Variants in SAMMSON observed in about 807,000 individuals in gnomAD.
SAMMSON encodes the protein long intergenic non-protein coding RNA 1212.
intron 4 of SAMMSON, among the ~76,000 whole-genome samples, chr3:70,169,645 CT>C (rs11384588): frequency 4.2e-5 from 6 of 142,750 alleles, no homozygotes; most frequent in Non-Finnish European, 3.0e-5. Flanking sequence ...TTTCTTTTTT[CT>C]TTTTTTTTTT....
intron 3 of SAMMSON, among the ~76,000 whole-genome samples, chr3:70,044,522 C>G (rs2067116883): frequency 6.6e-6 from 1 of 151,922 alleles, no homozygotes; most frequent in Admixed American, 6.6e-5. Context: ...AGTTCAAATG[C>G]CTTCAACAGA....
chr3:70,241,482 AT>A (rs1307521308), intron 4 of SAMMSON, among the ~76,000 whole-genome samples: 2 of 152,194 alleles, frequency 1.3e-5, no homozygotes, highest in African/African-American at 4.8e-5. Context: ...CTAAAATGTA[AT>A]GGGAGGTATG....
intron 4 of SAMMSON, among the ~76,000 whole-genome samples, chr3:70,248,678 A>T (rs1701731344): frequency 6.6e-6 from 1 of 152,178 alleles, no homozygotes; most frequent in African/African-American, 2.4e-5. Context: ...CTTAAACAAG[A>T]TGTTAATTTG....
intron 3 of SAMMSON, among the ~76,000 whole-genome samples, chr3:70,065,946 C>T (rs899206521): frequency 6.6e-6 from 1 of 152,084 alleles, no homozygotes; most frequent in Non-Finnish European, 1.5e-5. Flanking sequence ...ACATATGGAA[C>T]GAAATCCCAA....
intron 2 of SAMMSON, among the ~76,000 whole-genome samples, chr3:70,434,524 T>G (rs1701443540): frequency 6.6e-6 from 1 of 152,194 alleles, no homozygotes; most frequent in Admixed American, 6.5e-5. Flanking sequence ...TTTTGTTGAT[T>G]GGGATTTTCT....
At position 70,045,215 on chromosome 3, in the gene SAMMSON, G is replaced by A. The variant is rs928231332; in HGVS notation, n.418-26261G>A. Among the ~76,000 whole-genome samples the A allele has an allele frequency of 5.2e-4, 72 of 139,030 alleles. 1 individual carries two copies. Among genetic ancestry groups the A allele is most frequent in the Non-Finnish European group, 1.5e-4 (10 of 65,684 alleles). The allele number at this position is 139,030 out of a possible 152,430, so 91.2% of individuals were successfully genotyped here. A position where few individuals can be genotyped will look rare whatever the true frequency, so the allele number is the denominator to read the frequency against. On this transcript the variant is annotated intron_variant and non_coding_transcript_variant, in intron 3 of 9. Transcript: ENST00000642114. ...TAATATTAATTATAATATAATTAAA[G>A]TATTTTATTTAATATTATTTATTTA...
intron 4 of SAMMSON, among the ~76,000 whole-genome samples, chr3:70,225,512 TC>T (rs1171886534): frequency 6.6e-6 from 1 of 152,202 alleles, no homozygotes; most frequent in Non-Finnish European, 1.5e-5. Flanking sequence ...TTTCTATTAT[TC>T]TAGTTTAAGA....
At chr3:70,066,520 T>G (rs187343677) in intron 3 of SAMMSON, among the ~76,000 whole-genome samples, 2 of 152,242 alleles carry the variant, frequency 1.3e-5, no homozygotes, top group East Asian at 3.9e-4. Flanking sequence ...AATGCTAATA[T>G]TCCATCCTGC....
At chr3:70,046,190 A>G (rs1308305623) in intron 3 of SAMMSON, among the ~76,000 whole-genome samples, 1 of 151,966 alleles carries the variant, frequency 6.6e-6, no homozygotes, top group Non-Finnish European at 1.5e-5. Flanking sequence ...TTTTTTCTTT[A>G]TCATCCCAGT....
intron 9 of SAMMSON, among the ~76,000 whole-genome samples, chr3:70,387,943 C>A (rs956683965): frequency 3.3e-5 from 5 of 149,688 alleles, no homozygotes; most frequent in African/African-American, 1.2e-4. Context: ...AAAATCCTGG[C>A]TTAACCATTG....
At chr3:70,356,871 T>C (rs1035608487) in intron 8 of SAMMSON, among the ~76,000 whole-genome samples, 2 of 152,132 alleles carry the variant, frequency 1.3e-5, no homozygotes, top group Non-Finnish European at 2.9e-5. Context: ...ATGGCACTTT[T>C]TTTGAGCACT....
At position 70,116,133 on chromosome 3, in the gene SAMMSON, C is replaced by A. The variant is rs552052436; in HGVS notation, n.507+44568C>A. Among the ~76,000 whole-genome samples the A allele has an allele frequency of 6.6e-5, 10 of 151,778 alleles. No individual in the cohort carries two copies. The East Asian group carries it at 1.9e-3, about 29-fold the overall frequency. On this transcript the variant is annotated intron_variant and non_coding_transcript_variant, in intron 4 of 9. Transcript: ENST00000642114. ...TCAATTTTAAGGTTGGAAGATTTAA[C>A]GAAAGTAACTAAATTCATGGCAAGA...
At chr3:70,005,004 C>G (rs534203002) in intron 1 of SAMMSON, among the ~76,000 whole-genome samples, 2 of 152,284 alleles carry the variant, frequency 1.3e-5, no homozygotes, top group African/African-American at 4.8e-5. Flanking sequence ...TGGCAGAGCC[C>G]GGGCTGGAGC....
At chr3:70,367,012 C>G (rs758468592) in intron 9 of SAMMSON, among the ~76,000 whole-genome samples, 5 of 151,432 alleles carry the variant, frequency 3.3e-5, no homozygotes, top group Non-Finnish European at 7.4e-5. Flanking sequence ...GCTCATTTAT[C>G]CTTTGAGTTC....
chr3:70,415,417 T>C lies in SAMMSON; in HGVS notation n.234-47143T>C, dbSNP rs189046949. Among the ~76,000 whole-genome samples, 48 of 152,334 alleles carry C rather than the reference T, an allele frequency of 3.2e-4. No homozygotes were observed. The East Asian group carries it at 9.3e-3, about 29-fold the overall frequency. ...TTTGATTGATTTCTGATGGTGGCTCTGACACCGTTGTACTTAATGTCGGTG... is the reference window on the plus strand; with the variant it reads ...TTTGATTGATTTCTGATGGTGGCTCCGACACCGTTGTACTTAATGTCGGTG... On this transcript the variant is annotated intron_variant and non_coding_transcript_variant, in intron 2 of 3. Coordinates refer to the SAMMSON transcript ENST00000641053.
Position 70,178,933 on chromosome 3 carries a change from C to T in SAMMSON, n.508-70174C>T, listed in dbSNP as rs138539111. On this transcript the variant is annotated intron_variant and non_coding_transcript_variant, in intron 4 of 9. Transcript: ENST00000642114. ...GGAGAATCACTTGAGCCCAGGAGGTCGAGGCTGCAGTGAGCCATGATCATG... is the reference window on the plus strand; with the variant it reads ...GGAGAATCACTTGAGCCCAGGAGGTTGAGGCTGCAGTGAGCCATGATCATG... Among the ~76,000 whole-genome samples, 44 of 152,144 alleles carry T rather than the reference C, an allele frequency of 2.9e-4. 1 individual carries two copies. The East Asian group carries it at 7.4e-3, about 25-fold the overall frequency.
chr3:70,356,645 T>C (rs1702831686), intron 8 of SAMMSON, among the ~76,000 whole-genome samples: 1 of 152,170 alleles, frequency 6.6e-6, no homozygotes, highest in Admixed American at 6.6e-5. Context: ...TTAAACAAAA[T>C]ATTTGTATTA....
At chr3:70,416,557 T>TA (rs1701266171) in intron 2 of SAMMSON, among the ~76,000 whole-genome samples, 2 of 152,174 alleles carry the variant, frequency 1.3e-5, no homozygotes, top group Admixed American at 1.3e-4. Context: ...TCAATCTAAA[T>TA]ACAATCTGGA....
rs142010148 is a variant in SAMMSON, at chr3:70,117,660, G to A, written n.507+46095G>A. ...TAACCCCCTGATAATCTTCCTTTGC[G>A]TTGGTCTGGTGAGAAAGACCATAAA... On this transcript the variant is annotated intron_variant and non_coding_transcript_variant, in intron 4 of 9. Transcript: ENST00000642114. Among the ~76,000 whole-genome samples the A allele has an allele frequency of 4.1e-3, 620 of 152,186 alleles. 7 individuals are homozygous for A. Among genetic ancestry groups the A allele is most frequent in the African/African-American group, 0.014 (594 of 41,536 alleles).
Sources: allele counts gnomAD v4.1 joint callset (sites outside exome capture counted in the v4.1 genomes callset), GRCh38; gene constraint gnomAD v4.1.1; transcripts MANE v1.5; gene names NCBI Gene and HGNC (gene_info 2026-07-23, HGNC 2026-07-21).